The following CCR3 variants were observed in gnomAD, a reference collection of about 807,000 sequenced individuals.
CCR3 encodes the protein C-C chemokine receptor type 3.
For synonymous variants in CCR3, 203 were observed against 179.2 expected (o/e 1.13, Z -1.06); for missense variants, 419 against 437.5 (o/e 0.96, Z 0.38).
intron 2 of CCR3, among the ~76,000 whole-genome samples, chr3:46,225,450 TTGTA>T (rs1363175513): frequency 2.6e-5 from 4 of 152,182 alleles, no homozygotes; most frequent in Non-Finnish European, 5.9e-5. Context: ...AATTGCTGGG[TTGTA>T]TTGTAAGCAC....
At position 46,266,076 on chromosome 3, in the gene CCR3, G is replaced by A. The variant is rs754597060; in HGVS notation, c.918G>A (p.Glu306=). 2.5e-6 allele frequency: 4 copies of A among 1,613,944 alleles called. No individual in the cohort carries two copies. In the African/African-American group the frequency reaches 4.0e-5, roughly 16 times the overall value. Residue 306 remains glutamate, a synonymous_variant, in exon 2 of 2, where the codon GAG becomes GAA. Coordinates refer to ENST00000395940, the MANE Select transcript of CCR3 (RefSeq NM_178329.3). ...CGGTGATCTACGCCTTTGTTGGAGA[G>A]AGGTTCCGGAAGTACCTGCGCCACT... ...MNPVIYAFVG[E]RFRKYLRHFF... is the part of the protein sequence containing the mutation.
chr3:46,231,368 A>G (rs1699964768), intron 2 of CCR3, among the ~76,000 whole-genome samples: 1 of 152,248 alleles, frequency 6.6e-6, no homozygotes, highest in Admixed American at 6.5e-5. Flanking sequence ...GAAGGCTCCA[A>G]AACACTTTAT....
intron 2 of CCR3, among the ~76,000 whole-genome samples, chr3:46,229,318 G>A (rs530388261): frequency 1.5e-4 from 23 of 152,228 alleles, no homozygotes; most frequent in African/African-American, 5.1e-4. Context: ...TATCAATCCT[G>A]ATTAGCTTTA....
rs1404489645 is a variant in CCR3 at position 46,266,294 on chromosome 3, C to T, written c.*68C>T. The stretch of plus-strand genomic sequence containing the variant: ...TGAAGCAAACACATTAAGCCTTCCA[C>T]ACTCACCTCTAAAACAGTCCTTCAA... On this transcript the variant is annotated 3_prime_UTR_variant, in exon 2 of 2. Transcript: ENST00000395940. 5.2e-6 allele frequency: 5 copies of T among 963,296 alleles called. No individual in the cohort carries two copies. The East Asian group carries it at 9.8e-5, about 19-fold the overall frequency. The allele number at this position is 963,296 out of a possible 1,614,324, so 59.7% of individuals were successfully genotyped here.
chr3:46,229,670 T>A (rs955774957), intron 2 of CCR3, among the ~76,000 whole-genome samples: 3 of 152,208 alleles, frequency 2.0e-5, no homozygotes, highest in Non-Finnish European at 4.4e-5. Flanking sequence ...TGTGTACAGC[T>A]GTCAAGATTC....
At chr3:46,265,125 G>C in intron 1 of CCR3, 23 bp from the exon 2 acceptor site, 1 of 1,450,196 alleles carries the variant, frequency 6.9e-7, no homozygotes. Context: ...TTGTGGGATT[G>C]TATTTTTCTT....
chr3:46,256,789 A>T (rs1700434209), intron 1 of CCR3, among the ~76,000 whole-genome samples: 1 of 152,196 alleles, frequency 6.6e-6, no homozygotes, highest in Admixed American at 6.6e-5. Flanking sequence ...ACTGTGATGG[A>T]CATCCTAATT....
At chr3:46,256,678 A>T (rs1700431710) in intron 1 of CCR3, among the ~76,000 whole-genome samples, 1 of 152,174 alleles carries the variant, frequency 6.6e-6, no homozygotes, top group Non-Finnish European at 1.5e-5. Flanking sequence ...TCAAAATTTT[A>T]TTCATAAATA....
At chr3:46,228,329 T>C (rs1206452052) in intron 2 of CCR3, among the ~76,000 whole-genome samples, 1 of 152,186 alleles carries the variant, frequency 6.6e-6, no homozygotes, top group Non-Finnish European at 1.5e-5. Context: ...ATTTGCCTCT[T>C]CACCCATCAT....
rs557574746 is a variant in CCR3 at position 46,245,025 on chromosome 3, T to C, written c.-12+2487T>C. Among the ~76,000 whole-genome samples, 6 of 152,228 alleles carry C rather than the reference T, an allele frequency of 3.9e-5. No individual in the cohort carries two copies. In the East Asian group the frequency reaches 7.7e-4, roughly 20 times the overall value. On this transcript the variant is annotated intron_variant, in intron 1 of 1. Transcript: ENST00000395940. Reference sequence around the variant, plus strand: ...AACTCCTTCAATAATCCAAAATCATTTGGCTGGTGGGCGAAACCCTGTCAC... The same window carrying C: ...AACTCCTTCAATAATCCAAAATCATCTGGCTGGTGGGCGAAACCCTGTCAC...
intron 2 of CCR3, among the ~76,000 whole-genome samples, chr3:46,229,434 G>A (rs911228404): frequency 4.6e-5 from 7 of 152,016 alleles, no homozygotes; most frequent in Non-Finnish European, 1.0e-4. Context: ...CCTTGAAGTG[G>A]GATGCTGACA....
chr3:46,243,199 T>A (rs944070951), intron 1 of CCR3, among the ~76,000 whole-genome samples: 1 of 151,888 alleles, frequency 6.6e-6, no homozygotes, highest in Non-Finnish European at 1.5e-5. Flanking sequence ...TTGTAATACC[T>A]AATACAACGC....
chr3:46,250,504 G>A (rs998270632), intron 1 of CCR3, among the ~76,000 whole-genome samples: 4 of 152,018 alleles, frequency 2.6e-5, no homozygotes, highest in African/African-American at 7.3e-5. Flanking sequence ...AGAATGCCTG[G>A]ACATCAGGCA....
At chr3:46,244,214 A>G (rs1700149410) in intron 1 of CCR3, among the ~76,000 whole-genome samples, 1 of 152,260 alleles carries the variant, frequency 6.6e-6, no homozygotes, top group Admixed American at 6.5e-5. Context: ...TTAATCACAC[A>G]ACAAAAAGGC....
intron 1 of CCR3, among the ~76,000 whole-genome samples, chr3:46,249,832 G>A (rs945136173): frequency 3.3e-5 from 5 of 151,992 alleles, no homozygotes; most frequent in Non-Finnish European, 5.9e-5. Flanking sequence ...TGCTGGGGAT[G>A]TGGCTGGGGT....
chr3:46,254,392 T>C (rs140954700), intron 1 of CCR3, among the ~76,000 whole-genome samples: 1 of 152,260 alleles, frequency 6.6e-6, no homozygotes, highest in Non-Finnish European at 1.5e-5. Flanking sequence ...GAGACATAGA[T>C]CTGAAAGTGT....
chr3:46,221,066 A>G (rs1699830450), intron 2 of CCR3, among the ~76,000 whole-genome samples: 1 of 152,230 alleles, frequency 6.6e-6, no homozygotes, highest in Non-Finnish European at 1.5e-5. Flanking sequence ...AAACTCTGTT[A>G]TTATGGTTAC....
intron 2 of CCR3, among the ~76,000 whole-genome samples, chr3:46,224,989 A>AT (rs1699878153): frequency 6.6e-6 from 1 of 152,202 alleles, no homozygotes; most frequent in African/African-American, 2.4e-5. Context: ...TGTGTTCAAG[A>AT]ATGTTGTTAG....
chr3:46,241,321 C>T (rs1469252839), upstream of CCR3, among the ~76,000 whole-genome samples: 2 of 152,198 alleles, frequency 1.3e-5, no homozygotes, highest in African/African-American at 4.8e-5. Context: ...TCGAGTTAGT[C>T]AGTGTATCAA....
Sources: gnomAD v4.1 joint callset for allele counts (sites outside exome capture counted in the v4.1 genomes callset) on GRCh38, gnomAD v4.1.1 for gene constraint, MANE v1.5 for transcripts, NCBI Gene and HGNC (gene_info 2026-07-23, HGNC 2026-07-21) for gene names.